ZNF608: variants seen among roughly 807,000 people sequenced by gnomAD.
ZNF608 encodes renal carcinoma antigen NY-REN-36.
ZNF608 carries 12 observed loss-of-function variants against 109.0 expected under a neutral mutation model. The observed-to-expected ratio is 0.11, with a 90% CI of 0.07 to 0.18. The LOEUF is 0.18. Ranked by LOEUF, ZNF608 falls within the 10% of genes least tolerant of loss-of-function variation. ZNF608 has a pLI of 1.00. For synonymous variants in ZNF608, 732 were observed against 717.4 expected (o/e 1.02, Z -0.33); for missense variants, 1,707 against 1,879.3 (o/e 0.91, Z 1.70).
intron 3 of ZNF608, among the ~76,000 whole-genome samples, chr5:124,668,788 T>G (rs577269271): frequency 2.6e-5 from 4 of 152,280 alleles, no homozygotes; most frequent in African/African-American, 9.6e-5. Flanking sequence ...GATTAGAAAT[T>G]GCTTTGGAGA....
In ZNF608 at chr5:124,647,880, T is replaced by C; in HGVS notation, c.2504A>G (p.Lys835Arg). 6.2e-7 allele frequency: 1 copy of C among 1,614,210 alleles called. No homozygotes were observed. The highest frequency in any genetic ancestry group is 8.5e-7 in the Non-Finnish European group (1 of 1,180,030). Residue 835 changes from lysine (K) to arginine (R), a missense_variant, in exon 5 of 10, where the codon AAG (lysine) becomes AGG (arginine). Physicochemically the swap from Lys to Arg is conservative, Grantham distance 26. Around this residue, in one of 7 missense-constraint regions of ZNF608, gnomAD observed 1,073 missense variants for 1,133.5 expected, o/e 0.95. Coordinates refer to ENST00000513986, the MANE Select transcript of ZNF608 (RefSeq NM_020747.3). The part of the protein sequence containing the change: ...KETGSPKMDA[K>R]LGKLEDSKGA... ...CTTGGAGTCCTCTAGTTTCCCCAGC[T>C]TGGCATCCATTTTTGGGCTTCCCGT...
At chr5:124,734,472 C>A (rs1279970023) in intron 2 of ZNF608, 3 of 152,110 alleles carry the variant, frequency 2.0e-5, no homozygotes, top group Admixed American at 2.0e-4. Flanking sequence ...CTATACAGAA[C>A]CACCCCGAAG....
intron 3 of ZNF608, among the ~76,000 whole-genome samples, chr5:124,687,346 A>G (rs1378057282): frequency 1.3e-5 from 2 of 152,212 alleles, no homozygotes; most frequent in African/African-American, 2.4e-5. Flanking sequence ...AAAAGTGTTT[A>G]ATTGTTCAGA....
chr5:124,648,313 C>T lies in ZNF608; in HGVS notation c.2071G>A (p.Gly691Ser), dbSNP rs150909561. The T allele has an allele frequency of 2.2e-5, 35 of 1,614,152 alleles. No individual in the cohort carries two copies. The African/African-American group carries it at 3.3e-4, about 15-fold the overall frequency. The change falls in exon 5 of 10, where the codon GGC becomes AGC. Residue 691 changes from glycine (G) to serine (S), a missense_variant. By Grantham distance (56) the Gly-to-Ser change is moderately conservative. Transcript: ENST00000513986. ...AALDSCSAADGSLAAEMPKLE... is the reference protein window; with the variant it reads ...AALDSCSAADSSLAAEMPKLE... ...TTAGGCATCTCAGCAGCCAAACTGC[C>T]GTCTGCTGCCGAGCAACTGTCTAAC...
chr5:124,706,834 T>C (rs953052422), intron 2 of ZNF608, among the ~76,000 whole-genome samples: 5 of 152,300 alleles, frequency 3.3e-5, no homozygotes, highest in Admixed American at 2.0e-4. Flanking sequence ...CACTGTTATT[T>C]TTGCATGATT....
chr5:124,684,269 T>C (rs1752315771), intron 3 of ZNF608, among the ~76,000 whole-genome samples: 1 of 152,196 alleles, frequency 6.6e-6, no homozygotes, highest in Admixed American at 6.5e-5. Flanking sequence ...CACTCTAATA[T>C]CTTAACACTC....
chr5:124,707,828 T>C (rs1333961295), intron 2 of ZNF608: 3 of 152,240 alleles, frequency 2.0e-5, no homozygotes, highest in Non-Finnish European at 4.4e-5. Flanking sequence ...GAACTAATCA[T>C]TGAGGCTGAA....
intron 3 of ZNF608, among the ~76,000 whole-genome samples, chr5:124,667,682 G>A (rs1443670531): frequency 6.6e-6 from 1 of 152,172 alleles, no homozygotes; most frequent in Non-Finnish European, 1.5e-5. Context: ...TGCTGACTAT[G>A]TTAGGCACTA....
At chr5:124,688,946 A>G (rs1382488000) in intron 3 of ZNF608, among the ~76,000 whole-genome samples, 2 of 152,242 alleles carry the variant, frequency 1.3e-5, no homozygotes, top group Non-Finnish European at 2.9e-5. Flanking sequence ...GCAAGGATGC[A>G]GGATATAAGG....
At chr5:124,721,885 T>C (rs1580694808) in intron 2 of ZNF608, among the ~76,000 whole-genome samples, 2 of 129,738 alleles carry the variant, frequency 1.5e-5, no homozygotes, top group Admixed American at 2.0e-4. Flanking sequence ...GAGGTTACAG[T>C]GAGCCGAGAT....
intron 8 of ZNF608, 108 bp downstream of exon 8, chr5:124,641,144 A>T: frequency 7.1e-7 from 1 of 1,403,154 alleles, no homozygotes; most frequent in South Asian, 1.2e-5. Flanking sequence ...CCCTCCTGAG[A>T]GCTAATGTGA....
rs7703447 is a variant in ZNF608 at position 124,641,274 on chromosome 5, C to T, written c.4428G>A (p.Pro1476=). Residue 1476 remains proline (P), a synonymous_variant, in exon 8 of 10, where the codon CCG becomes CCA. Transcript: ENST00000513986. ...THVGMGYPLI[P]GQYDPFQGLT... ...GACCTTGAAAAGGGTCATATTGACC[C>T]GGGATTAGCGGGTAACCCATGCCAA... 0.084 allele frequency: 135,944 copies of T among 1,613,618 alleles called. 7,293 individuals carry two copies. Among genetic ancestry groups the T allele is most frequent in the African/African-American group, 0.22 (16,396 of 74,936 alleles).
chr5:124,701,795 C>A (rs1052957553), intron 2 of ZNF608, among the ~76,000 whole-genome samples: 3 of 152,060 alleles, frequency 2.0e-5, no homozygotes, highest in African/African-American at 7.2e-5. Flanking sequence ...CAATCTACAC[C>A]GAAACACAAA....
chr5:124,647,752 T>A lies in ZNF608; in HGVS notation c.2632A>T (p.Ser878Cys), dbSNP rs1268544623. 6.2e-7 allele frequency: 1 copy of A among 1,614,122 alleles called. No homozygotes were observed. Among genetic ancestry groups the A allele is most frequent in the East Asian group, 2.2e-5 (1 of 44,874 alleles). ...LSESQESRMA[S>C]IKAEADKVYT... is the part of the protein sequence containing the mutation. Reference sequence around the variant, plus strand: ...ACCTTATCGGCCTCAGCTTTGATACTGGCCATGCGGCTCTCCTGAGACTCC... The same window carrying A: ...ACCTTATCGGCCTCAGCTTTGATACAGGCCATGCGGCTCTCCTGAGACTCC... Residue 878 changes from serine to cysteine, a missense_variant, in exon 5 of 10, where the codon AGT becomes TGT. Physicochemically the swap from Ser to Cys is moderately radical, Grantham distance 112. Coordinates refer to ENST00000513986, the MANE Select transcript of ZNF608 (RefSeq NM_020747.3).
intron 2 of ZNF608, among the ~76,000 whole-genome samples, chr5:124,720,772 T>C (rs764027854): frequency 4.6e-5 from 7 of 152,140 alleles, no homozygotes; most frequent in Non-Finnish European, 1.0e-4. Context: ...CCTGAGCTCA[T>C]AATATCTAAT....
Position 124,647,335 on chromosome 5 carries a change from G to A in ZNF608, c.3049C>T (p.Pro1017Ser), listed in dbSNP as rs1446752324. ...GTGCTCCCACTATTTCCAGCTGCAG[G>A]GGCACCGACCTGCCCAGGGTGCATG... ...SYMHPGQVGA[P>S]AAGNSGSTQG... is the part of the protein sequence containing the mutation. Residue 1017 changes from proline (P) to serine (S), a missense_variant, in exon 5 of 10, where the codon CCT becomes TCT. Around this residue, in one of 7 missense-constraint regions of ZNF608, gnomAD observed 1,073 missense variants for 1,133.5 expected, o/e 0.95. Coordinates refer to ENST00000513986, the MANE Select transcript of ZNF608 (RefSeq NM_020747.3). 1.1e-5 allele frequency: 18 copies of A among 1,614,038 alleles called. No homozygotes were observed. Among genetic ancestry groups the A allele is most frequent in the Non-Finnish European group, 1.5e-5 (18 of 1,180,028 alleles).
intron 2 of ZNF608, among the ~76,000 whole-genome samples, chr5:124,743,719 T>C (rs1022207032): frequency 6.6e-6 from 1 of 151,416 alleles, no homozygotes; most frequent in Non-Finnish European, 1.5e-5. Context: ...AGGACAAGAG[T>C]CAAGAGGGTG....
At chr5:124,745,280 A>G in intron 1 of ZNF608, 108 bp from the exon 2 acceptor site, 1 of 1,024,028 alleles carries the variant, frequency 9.8e-7, no homozygotes, top group Non-Finnish European at 1.2e-6. Context: ...GATGGAGAGT[A>G]AGGTGGCTCA....
intron 3 of ZNF608, among the ~76,000 whole-genome samples, chr5:124,668,687 C>T (rs1751586231): frequency 6.6e-6 from 1 of 152,160 alleles, no homozygotes; most frequent in Admixed American, 6.5e-5. Context: ...CATAATGTTC[C>T]TTTAACGCCC....
Sources: allele counts gnomAD v4.1 joint callset (sites outside exome capture counted in the v4.1 genomes callset), GRCh38; gene constraint gnomAD v4.1.1; regional missense constraint gnomAD v4.1.1; transcripts MANE v1.5; gene names NCBI Gene and HGNC (gene_info 2026-07-23, HGNC 2026-07-21).